RASGRP3: variants seen among roughly 807,000 people sequenced by gnomAD.
RASGRP3 encodes the protein RAS guanyl releasing protein 3, also known as ras guanyl-releasing protein 3.
A neutral mutation model predicts 82.7 loss-of-function variants in RASGRP3; 54 were observed. The observed-to-expected ratio is 0.65, with a 90% confidence interval of 0.52 to 0.82. The LOEUF is 0.82. Among genes scored for constraint, RASGRP3 ranks in the 40% least tolerant of loss-of-function variants. The probability of loss-of-function intolerance (pLI) is 0.00; values close to 1 mark genes in which losing one functional copy is unlikely to be tolerated. For missense variants in RASGRP3, 861 were observed against 828.9 expected (o/e 1.04, Z -0.48); for synonymous variants, 309 against 300.5 (o/e 1.03, Z -0.29).
chr2:33,547,828 G>A (rs1674952349), intron 13 of RASGRP3, among the ~76,000 whole-genome samples: 1 of 152,074 alleles, frequency 6.6e-6, no homozygotes, highest in Non-Finnish European at 1.5e-5. Flanking sequence ...AGCTGGAGAA[G>A]GGGGAGCTGG....
rs941327703 is a variant in RASGRP3, at chr2:33,522,127, C to G, written c.516+25C>G. On this transcript the variant is annotated intron_variant, in intron 7 of 17. Coordinates refer to ENST00000403687, the MANE Select transcript of RASGRP3 (RefSeq NM_001139488.2). ...AGTAAGAAACTTGACATTTATTCTT[C>G]CAAGGATAACAACCACCATGCCAAC... 10 of 1,588,102 alleles carry G rather than the reference C, an allele frequency of 6.3e-6. No individual in the cohort carries two copies. The African/African-American group carries it at 1.1e-4, about 17-fold the overall frequency.
At position 33,539,475 on chromosome 2, in the gene RASGRP3, T is replaced by C. The variant is rs17013244; in HGVS notation, c.1278+265T>C. ...CTTTCACAGGCATTTGCCACCTCTG[T>C]CATTGTCAACAGCTCAAGGGATTGG... On this transcript the variant is annotated intron_variant, in intron 12 of 17. Coordinates refer to ENST00000403687, the MANE Select transcript of RASGRP3 (RefSeq NM_001139488.2). 2,912 of 323,904 alleles carry C rather than the reference T, an allele frequency of 9.0e-3. 74 individuals carry two copies. The highest frequency in any genetic ancestry group is 0.056 in the African/African-American group (2,678 of 47,588). 20.1% of individuals were successfully genotyped at this position (323,904 alleles called of 1,614,324 possible). A position where few individuals can be genotyped will look rare whatever the true frequency, so the allele number is the denominator to read the frequency against.
chr2:33,470,522 G>A (rs1666994279), intron 2 of RASGRP3, among the ~76,000 whole-genome samples: 1 of 151,814 alleles, frequency 6.6e-6, no homozygotes, highest in Non-Finnish European at 1.5e-5. Flanking sequence ...TGGGACTACA[G>A]GCGCCCGCCA....
intron 1 of RASGRP3, among the ~76,000 whole-genome samples, chr2:33,509,701 C>T (rs1214913397): frequency 1.3e-5 from 2 of 152,140 alleles, no homozygotes; most frequent in African/African-American, 4.8e-5. Flanking sequence ...TGTCATTGTT[C>T]CTTTAATTCT....
At chr2:33,524,827 C>A (rs1672364598) in intron 9 of RASGRP3, among the ~76,000 whole-genome samples, 1 of 151,976 alleles carries the variant, frequency 6.6e-6, no homozygotes, top group African/African-American at 2.4e-5. Context: ...CACCTGTAAT[C>A]CCAGTACTTT....
At chr2:33,516,999 G>C (rs955234493) in intron 4 of RASGRP3, among the ~76,000 whole-genome samples, 3 of 152,214 alleles carry the variant, frequency 2.0e-5, no homozygotes, top group Non-Finnish European at 4.4e-5. Flanking sequence ...TGGCAAAATG[G>C]TGGGCATAGA....
intron 3 of RASGRP3, among the ~76,000 whole-genome samples, chr2:33,516,274 G>A (rs1230382263): frequency 6.6e-6 from 1 of 152,180 alleles, no homozygotes; most frequent in Non-Finnish European, 1.5e-5. Flanking sequence ...CAGGCGTGGT[G>A]GCAGGCGCCT....
chr2:33,505,153 TCACCACCAC>T (rs10652330), intron 1 of RASGRP3, among the ~76,000 whole-genome samples: 4 of 149,934 alleles, frequency 2.7e-5, no homozygotes, highest in African/African-American at 5.0e-5. Flanking sequence ...ATCATCATCA[TCACCACCAC>T]CACCACCACC....
rs545027903 is a variant in RASGRP3, at chr2:33,452,376, C to T, written c.-261+4433C>T. Among the ~76,000 whole-genome samples, 4 of 152,304 alleles carry T rather than the reference C, an allele frequency of 2.6e-5. No individual in the cohort carries two copies. In the South Asian group the frequency reaches 6.2e-4, roughly 24 times the overall value. The stretch of plus-strand genomic sequence containing the variant: ...TTACATATTGGCTTTGGAAAGCTCT[C>T]ACCAGTCTATCTAGAGATTCTGGGT... On this transcript the variant is annotated intron_variant, in intron 2 of 18. Transcript: ENST00000402538.
At chr2:33,450,250 C>A (rs1402868347) in intron 2 of RASGRP3, among the ~76,000 whole-genome samples, 1 of 152,124 alleles carries the variant, frequency 6.6e-6, no homozygotes, top group East Asian at 1.9e-4. Context: ...GTGGTGAGAA[C>A]ATTTAAGATA....
In RASGRP3 at chr2:33,557,661, G is replaced by A. The variant is rs910370259; in HGVS notation, c.1580-550G>A. On this transcript the variant is annotated intron_variant, in intron 15 of 17. Coordinates refer to ENST00000403687, the MANE Select transcript of RASGRP3 (RefSeq NM_001139488.2). ...GGAGGCGGAGCTTGCAGTGAGCCGA[G>A]ATCCCGCCACTGCACTCCAGCCTGG... Among the ~76,000 whole-genome samples the A allele has an allele frequency of 2.7e-5, 4 of 150,476 alleles. No homozygotes were observed. In the East Asian group the frequency reaches 5.9e-4, roughly 22 times the overall value.
chr2:33,450,609 T>C (rs1017711514), intron 2 of RASGRP3, among the ~76,000 whole-genome samples: 4 of 152,032 alleles, frequency 2.6e-5, no homozygotes, highest in Non-Finnish European at 4.4e-5. Context: ...ATTTTCTTTA[T>C]CCATTCAACT....
At chr2:33,556,317 G>A (rs552487671) in intron 15 of RASGRP3, among the ~76,000 whole-genome samples, 3 of 116,748 alleles carry the variant, frequency 2.6e-5, no homozygotes, top group Admixed American at 1.9e-4. Flanking sequence ...GCGCAATCTC[G>A]GCTCACTGCA....
intron 14 of RASGRP3, chr2:33,555,042 AAG>A: frequency 1.3e-5 from 2 of 152,836 alleles, no homozygotes; most frequent in South Asian, 4.1e-4. Flanking sequence ...ATGAATAACT[AAG>A]ATCATTTCCT....
chr2:33,450,039 T>C (rs1369732607), intron 2 of RASGRP3, among the ~76,000 whole-genome samples: 1 of 152,128 alleles, frequency 6.6e-6, no homozygotes, highest in Non-Finnish European at 1.5e-5. Context: ...GGGACTAGAG[T>C]CTTCGGAAGA....
chr2:33,490,825 A>C (rs1041472127), intron 1 of RASGRP3, among the ~76,000 whole-genome samples: 2 of 152,230 alleles, frequency 1.3e-5, no homozygotes, highest in African/African-American at 4.8e-5. Context: ...AGATCCACAC[A>C]TAGAGTTTCT....
intron 1 of RASGRP3, among the ~76,000 whole-genome samples, chr2:33,510,538 C>T (rs1321852648): frequency 6.6e-6 from 1 of 152,158 alleles, no homozygotes; most frequent in East Asian, 1.9e-4. Flanking sequence ...CTTCGAATAT[C>T]TTTTCTCTTC....
At chr2:33,443,140 T>C (rs923194740) in intron 1 of RASGRP3, among the ~76,000 whole-genome samples, 3 of 152,212 alleles carry the variant, frequency 2.0e-5, no homozygotes, top group Non-Finnish European at 2.9e-5. Context: ...CTTAAAAGTG[T>C]TTCTTTCTAT....
chr2:33,519,409 G>A (rs930613485), intron 4 of RASGRP3, among the ~76,000 whole-genome samples: 1 of 152,172 alleles, frequency 6.6e-6, no homozygotes, highest in Non-Finnish European at 1.5e-5. Context: ...AAGGTCAGGA[G>A]ATCAAGACCA....
Sources: allele counts gnomAD v4.1 joint callset (sites outside exome capture counted in the v4.1 genomes callset), GRCh38; gene constraint gnomAD v4.1.1; transcripts MANE v1.5; gene names NCBI Gene and HGNC (gene_info 2026-07-23, HGNC 2026-07-21).